The following NCKAP5 variants were observed in gnomAD, a reference collection of about 807,000 sequenced individuals.
NCKAP5 encodes the protein NCK associated protein 5.
A neutral mutation model predicts 167.0 loss-of-function variants in NCKAP5; 92 were observed. The ratio of observed to expected loss-of-function variants is 0.55; its 90% confidence interval spans 0.47 to 0.66. NCKAP5 has a LOEUF of 0.66. Among genes scored for constraint, NCKAP5 ranks in the 30% least tolerant of loss-of-function variants. The pLI, the probability that NCKAP5 is intolerant of heterozygous loss-of-function variation, is 0.00. For synonymous variants in NCKAP5, 891 were observed against 877.4 expected (o/e 1.02, Z -0.27); for missense variants, 2,378 against 2,315.0 (o/e 1.03, Z -0.56).
At chr2:133,376,238 A>T (rs1252750848) in intron 3 of NCKAP5, among the ~76,000 whole-genome samples, 1 of 152,234 alleles carries the variant, frequency 6.6e-6, no homozygotes, top group African/African-American at 2.4e-5. Flanking sequence ...TAATACACTT[A>T]TGAAGACCAT....
At chr2:132,907,932 C>T (rs2148938860) in intron 8 of NCKAP5, among the ~76,000 whole-genome samples, 1 of 152,288 alleles carries the variant, frequency 6.6e-6, no homozygotes, top group African/African-American at 2.4e-5. Context: ...GCTGGGATTA[C>T]AGGCGTGAGC....
chr2:133,465,135 T>C (rs1347681594), intron 3 of NCKAP5, among the ~76,000 whole-genome samples: 1 of 150,012 alleles, frequency 6.7e-6, no homozygotes, highest in East Asian at 2.0e-4. Flanking sequence ...ATTAGGTGTA[T>C]CTCCCAGTGC....
In NCKAP5 at chr2:133,426,082, C is replaced by T. The variant is rs188675726; in HGVS notation, c.69+91376G>A. On this transcript the variant is annotated intron_variant, in intron 3 of 19. Coordinates refer to ENST00000409261, the MANE Select transcript of NCKAP5 (RefSeq NM_207363.3). ...GTCAGGAGTTCAAGACCAGCCTGGCCAACATGGTGAAACCCCATCTCCACT... is the reference window on the plus strand; with the variant it reads ...GTCAGGAGTTCAAGACCAGCCTGGCTAACATGGTGAAACCCCATCTCCACT... 2.6e-3 allele frequency among the ~76,000 whole-genome samples: 392 copies of T among 152,142 alleles called. 4 individuals are homozygous for T. Among genetic ancestry groups the T allele is most frequent in the African/African-American group, 9.0e-3 (372 of 41,504 alleles).
At chr2:133,470,173 G>A (rs2151276240) in intron 3 of NCKAP5, among the ~76,000 whole-genome samples, 1 of 152,278 alleles carries the variant, frequency 6.6e-6, no homozygotes, top group East Asian at 1.9e-4. Flanking sequence ...TGATGGTGAT[G>A]TACAGATGGG....
At chr2:133,655,284 A>T in the NCKAP5 span, among the ~76,000 whole-genome samples, 2 of 152,272 alleles carry the variant, frequency 1.3e-5, no homozygotes, top group African/African-American at 4.8e-5. Context: ...TTTCCTAGAG[A>T]TGAAATTATA....
At chr2:132,961,963 C>G (rs1285338876) in intron 8 of NCKAP5, among the ~76,000 whole-genome samples, 2 of 152,166 alleles carry the variant, frequency 1.3e-5, no homozygotes, top group Non-Finnish European at 2.9e-5. Flanking sequence ...GCTTTCCTAT[C>G]TTTTATAGTG....
At chr2:133,270,893 T>A (rs542113497) in intron 4 of NCKAP5, among the ~76,000 whole-genome samples, 5 of 151,894 alleles carry the variant, frequency 3.3e-5, no homozygotes, top group Non-Finnish European at 5.9e-5. Context: ...GAGTGTACTT[T>A]TGTTTTTTGT....
intron 4 of NCKAP5, among the ~76,000 whole-genome samples, chr2:133,262,593 T>C (rs1252313290): frequency 1.3e-5 from 2 of 152,202 alleles, no homozygotes; most frequent in Non-Finnish European, 2.9e-5. Context: ...ACAGTGTTTA[T>C]TAGGAGAAAG....
the NCKAP5 span, among the ~76,000 whole-genome samples, chr2:133,650,715 GA>G: frequency 6.7e-6 from 1 of 148,590 alleles, no homozygotes; most frequent in African/African-American, 2.5e-5. Context: ...TCTCTGGAGC[GA>G]GAAAAAAAAA....
intron 18 of NCKAP5, 82 bp downstream of exon 18, chr2:132,728,734 T>C (rs2105453246): frequency 6.5e-7 from 1 of 1,535,976 alleles, no homozygotes; most frequent in Non-Finnish European, 8.8e-7. Context: ...GTGAAATCTA[T>C]CATAAAAGTG....
intron 5 of NCKAP5, among the ~76,000 whole-genome samples, chr2:133,131,264 G>A (rs1338622751): frequency 2.6e-5 from 4 of 151,976 alleles, no homozygotes; most frequent in Non-Finnish European, 5.9e-5. Context: ...TTGTTCCAGC[G>A]TGAAAAGCTG....
At chr2:133,050,126 C>T (rs2079551169) in intron 6 of NCKAP5, among the ~76,000 whole-genome samples, 1 of 152,202 alleles carries the variant, frequency 6.6e-6, no homozygotes, top group African/African-American at 2.4e-5. Flanking sequence ...TTTCTTACAA[C>T]TCCTCCCATG....
At chr2:133,652,804 G>A in the NCKAP5 span, among the ~76,000 whole-genome samples, 2 of 140,736 alleles carry the variant, frequency 1.4e-5, no homozygotes, top group East Asian at 4.3e-4. Context: ...ACTGAGTTTA[G>A]TTGACTGCAT....
At chr2:133,607,240 C>G in the NCKAP5 span, among the ~76,000 whole-genome samples, 1 of 151,992 alleles carries the variant, frequency 6.6e-6, no homozygotes, top group African/African-American at 2.4e-5. Flanking sequence ...TAGAAAATGG[C>G]TTATCAAGTA....
At chr2:133,546,978 C>A (rs1041259090) in intron 2 of NCKAP5, among the ~76,000 whole-genome samples, 1 of 152,170 alleles carries the variant, frequency 6.6e-6, no homozygotes, top group Non-Finnish European at 1.5e-5. Context: ...GGGTTTATCT[C>A]ACTAGGGAGT....
the NCKAP5 span, among the ~76,000 whole-genome samples, chr2:133,634,336 A>G: frequency 6.6e-6 from 1 of 152,210 alleles, no homozygotes; most frequent in Non-Finnish European, 1.5e-5. Flanking sequence ...CACAAACACA[A>G]GCATTCTCCC....
chr2:133,547,620 T>G (rs1245865939), intron 2 of NCKAP5, among the ~76,000 whole-genome samples: 2 of 151,328 alleles, frequency 1.3e-5, no homozygotes, highest in African/African-American at 4.8e-5. Context: ...AGGGGCACAC[T>G]GACACCTCAC....
intron 11 of NCKAP5, among the ~76,000 whole-genome samples, chr2:132,820,425 T>G (rs2105315900): frequency 6.6e-6 from 1 of 152,268 alleles, no homozygotes; most frequent in South Asian, 2.1e-4. Context: ...AGACGGGGTT[T>G]CATTGTGTTA....
intron 6 of NCKAP5, among the ~76,000 whole-genome samples, chr2:133,127,525 G>A (rs893352527): frequency 5.3e-5 from 8 of 152,218 alleles, no homozygotes; most frequent in Non-Finnish European, 7.3e-5. Context: ...AGCCTAGGAT[G>A]TAGTCTTGGC....
Sources: gnomAD v4.1 joint callset for allele counts (sites outside exome capture counted in the v4.1 genomes callset) on GRCh38, gnomAD v4.1.1 for gene constraint, MANE v1.5 for transcripts, NCBI Gene and HGNC (gene_info 2026-07-23, HGNC 2026-07-21) for gene names.